Variants in ARK2N observed in about 807,000 individuals in gnomAD.
ARK2N encodes arkadia (RNF111) N-terminal like PKA signaling regulator 2N, also known as protein ARK2N.
the ARK2N span, among the ~76,000 whole-genome samples, chr18:46,242,168 C>G: frequency 6.6e-6 from 1 of 152,262 alleles, no homozygotes; most frequent in East Asian, 1.9e-4. Flanking sequence ...ATTAAGTCAT[C>G]CATTCCACTT....
the ARK2N span, among the ~76,000 whole-genome samples, chr18:46,178,814 T>C: frequency 6.6e-6 from 1 of 150,852 alleles, no homozygotes; most frequent in Non-Finnish European, 1.5e-5. Context: ...CTCAGGAGGC[T>C]GAAATGGGAG....
the ARK2N span, among the ~76,000 whole-genome samples, chr18:46,186,574 G>A: frequency 2.1e-5 from 3 of 144,352 alleles, no homozygotes; most frequent in Non-Finnish European, 4.5e-5. Context: ...GCGGGATCTC[G>A]GCTCACTACA....
the ARK2N span, among the ~76,000 whole-genome samples, chr18:46,255,440 C>CTT: frequency 9.2e-6 from 1 of 108,920 alleles, no homozygotes. Flanking sequence ...CTTTTCTTTT[C>CTT]TTTTCTTTTT....
chr18:46,246,967 C>T, the ARK2N span, among the ~76,000 whole-genome samples: 1 of 151,628 alleles, frequency 6.6e-6, no homozygotes, highest in Admixed American at 6.6e-5. Context: ...AATAGCAGAC[C>T]CCAATTTAAA....
chr18:46,197,110 C>T, the ARK2N span, among the ~76,000 whole-genome samples: 1 of 152,098 alleles, frequency 6.6e-6, no homozygotes, highest in Admixed American at 6.6e-5. Flanking sequence ...TTAAGGTCAC[C>T]CTTTTGAAGG....
At chr18:46,199,364 G>C in the ARK2N span, among the ~76,000 whole-genome samples, 1 of 151,822 alleles carries the variant, frequency 6.6e-6, no homozygotes, top group Non-Finnish European at 1.5e-5. Context: ...GCCCAGGCTG[G>C]AGTGCAGTGG....
the ARK2N span, among the ~76,000 whole-genome samples, chr18:46,215,027 T>C: frequency 2.6e-5 from 4 of 152,132 alleles, no homozygotes; most frequent in Non-Finnish European, 5.9e-5. Context: ...TTTTTAAACA[T>C]AAATGTAGGG....
chr18:46,198,368 A>G, the ARK2N span, among the ~76,000 whole-genome samples: 1 of 150,390 alleles, frequency 6.6e-6, no homozygotes, highest in Admixed American at 6.6e-5. Flanking sequence ...AATTTTTAAT[A>G]GTTACATTGT....
the ARK2N span, among the ~76,000 whole-genome samples, chr18:46,241,438 G>A: frequency 2.6e-4 from 40 of 152,224 alleles, no homozygotes; most frequent in African/African-American, 9.1e-4. Flanking sequence ...AAGTAATAAT[G>A]CTTCTGGGCA....
At chr18:46,212,852 G>C in the ARK2N span, among the ~76,000 whole-genome samples, 42 of 151,976 alleles carry the variant, frequency 2.8e-4, no homozygotes, top group Non-Finnish European at 5.9e-5. Flanking sequence ...TTACTTTTTA[G>C]TCTGATGCTG....
the ARK2N span, among the ~76,000 whole-genome samples, chr18:46,260,023 TC>T: frequency 6.6e-6 from 1 of 151,394 alleles, no homozygotes; most frequent in Non-Finnish European, 1.5e-5. Context: ...GCCAGCCTAT[TC>T]TGACTTTTAT....
chr18:46,216,694 C>T, the ARK2N span: 2 of 1,053,110 alleles, frequency 1.9e-6, no homozygotes, highest in Non-Finnish European at 2.7e-6. The surrounding 1 kb of genome is among the most constrained non-coding windows in gnomAD (Gnocchi z 4.3). Flanking sequence ...TCCAGGAGAC[C>T]TGCAGCTCTG....
chr18:46,246,941 C>CA, the ARK2N span, among the ~76,000 whole-genome samples: 4,251 of 84,320 alleles, frequency 0.05, 142 homozygotes, highest in East Asian at 0.19. Context: ...AACTCCATTT[C>CA]AAAAAAAAAA....
the ARK2N span, among the ~76,000 whole-genome samples, chr18:46,230,667 CTT>C: frequency 1.3e-5 from 2 of 152,026 alleles, no homozygotes; most frequent in South Asian, 4.1e-4. Context: ...ATTTTTTTCT[CTT>C]GTTTTCATGG....
the ARK2N span, among the ~76,000 whole-genome samples, chr18:46,220,110 C>T: frequency 3.9e-5 from 6 of 152,138 alleles, no homozygotes; most frequent in Non-Finnish European, 7.3e-5. Context: ...TCTTTAATGA[C>T]CTGCTTTGTG....
At chr18:46,183,271 A>G in the ARK2N span, among the ~76,000 whole-genome samples, 1 of 152,192 alleles carries the variant, frequency 6.6e-6, no homozygotes, top group Non-Finnish European at 1.5e-5. Context: ...GTGTGGATTT[A>G]GCAGTTACAT....
At chr18:46,208,497 G>A in the ARK2N span, among the ~76,000 whole-genome samples, 1 of 107,722 alleles carries the variant, frequency 9.3e-6, no homozygotes, top group South Asian at 3.4e-4. Context: ...TTGAGATGAA[G>A]TCTCGCTCTG....
the ARK2N span, chr18:46,240,253 G>T: frequency 6.5e-7 from 1 of 1,540,888 alleles, no homozygotes; most frequent in South Asian, 1.2e-5. Context: ...TGTTTTCCTT[G>T]TAGTGGACCC....
chr18:46,227,914 G>A, the ARK2N span, among the ~76,000 whole-genome samples: 2 of 151,960 alleles, frequency 1.3e-5, no homozygotes, highest in African/African-American at 2.4e-5. Flanking sequence ...TTTTTTTTGT[G>A]TGTAATGATT....
Sources: gnomAD v4.1 joint callset for allele counts (sites outside exome capture counted in the v4.1 genomes callset) on GRCh38, gnomAD v4.1.1 for gene constraint, Gnocchi (gnomAD v3.1) non-coding constraint, MANE v1.5 for transcripts, NCBI Gene and HGNC (gene_info 2026-07-23, HGNC 2026-07-21) for gene names.